Variants in HECW1 observed in about 807,000 individuals in gnomAD.
The protein encoded by HECW1 is HECT, C2 and WW domain containing E3 ubiquitin protein ligase 1, also known as E3 ubiquitin-protein ligase HECW1.
Under a neutral mutation model 182.3 loss-of-function variants are expected in HECW1, and 61 were observed. That is an observed-to-expected ratio of 0.33 (90% CI 0.27 to 0.41). HECW1 has a LOEUF of 0.41. Ranked by LOEUF, HECW1 falls within the 10% of genes least tolerant of loss-of-function variation. The pLI is 1.00. For synonymous variants in HECW1, 859 were observed against 832.6 expected (o/e 1.03, Z -0.55); for missense variants, 1,739 against 2,108.9 (o/e 0.82, Z 3.44).
rs747946880 is a variant in HECW1 at position 43,232,001 on chromosome 7, G to A, written c.-31-11874G>A. On this transcript the variant is annotated intron_variant, in intron 2 of 29. Coordinates refer to ENST00000395891, the MANE Select transcript of HECW1 (RefSeq NM_015052.5). ...CCCACCACTGCACTCCAGCCTGGGC[G>A]ACAGAGCGAGACTCCATCTCAAAAA... 1.4e-3 allele frequency among the ~76,000 whole-genome samples: 194 copies of A among 134,638 alleles called. No individual in the cohort carries two copies. The Middle Eastern group carries it at 0.024, about 17-fold the overall frequency. The allele number at this position is 134,638 out of a possible 152,430, so 88.3% of individuals were successfully genotyped here.
At chr7:43,423,984 G>A (rs2076276540) in intron 8 of HECW1, among the ~76,000 whole-genome samples, 1 of 152,188 alleles carries the variant, frequency 6.6e-6, no homozygotes. Context: ...AGCCAAAGGA[G>A]TATCTAGAAA....
chr7:43,202,477 C>CTT (rs760450431), intron 2 of HECW1, among the ~76,000 whole-genome samples: 1 of 141,648 alleles, frequency 7.1e-6, no homozygotes, highest in Non-Finnish European at 1.5e-5. Flanking sequence ...TTCTCCTTGC[C>CTT]TTTTTTTTTT....
At chr7:43,388,347 T>C (rs373602735) in intron 6 of HECW1, among the ~76,000 whole-genome samples, 1 of 152,228 alleles carries the variant, frequency 6.6e-6, no homozygotes, top group African/African-American at 2.4e-5. Flanking sequence ...GGACAAGAAC[T>C]GCAAATTCAA....
Position 43,563,090 on chromosome 7 carries a change from CAG to C in HECW1, c.*1169_*1170del. 4 of 202,988 alleles carry C rather than the reference CAG, an allele frequency of 2.0e-5. No homozygotes were observed. Among genetic ancestry groups the C allele is most frequent in the Non-Finnish European group, 4.1e-5 (4 of 98,764 alleles). 12.6% of individuals were successfully genotyped at this position (202,988 alleles called of 1,614,324 possible). On this transcript the variant is annotated 3_prime_UTR_variant, in exon 30 of 30. Coordinates refer to ENST00000395891, the MANE Select transcript of HECW1 (RefSeq NM_015052.5). ...CCATCGGGACCACACTAGGAAGCTG[CAG>C]AGAGTGATGGTGCTTGTTAGGGATC... is the stretch of plus-strand genomic sequence containing the variant.
At chr7:43,507,024 C>G in intron 21 of HECW1, 113 bp from the exon 22 acceptor site, 1 of 1,300,366 alleles carries the variant, frequency 7.7e-7, no homozygotes, top group Non-Finnish European at 1.0e-6. Context: ...AAGCCGAGAG[C>G]ACACCACTGC....
chr7:43,397,938 C>T (rs1248389580), intron 7 of HECW1, among the ~76,000 whole-genome samples: 1 of 152,192 alleles, frequency 6.6e-6, no homozygotes, highest in Non-Finnish European at 1.5e-5. Context: ...TGGAACTCTT[C>T]TGTAAACCCA....
At chr7:43,181,883 G>A (rs1199924893) in intron 2 of HECW1, among the ~76,000 whole-genome samples, 1 of 150,750 alleles carries the variant, frequency 6.6e-6, no homozygotes, top group Non-Finnish European at 1.5e-5. Flanking sequence ...CACCTCCTGG[G>A]TTCATGCCAT....
chr7:43,448,511 A>G (rs1362058021), intron 11 of HECW1, among the ~76,000 whole-genome samples: 2 of 152,174 alleles, frequency 1.3e-5, no homozygotes, highest in Non-Finnish European at 2.9e-5. Context: ...CAAAATGGGT[A>G]TAATTACAGA....
intron 24 of HECW1, among the ~76,000 whole-genome samples, chr7:43,536,263 T>C (rs900949496): frequency 6.6e-6 from 1 of 152,228 alleles, no homozygotes; most frequent in African/African-American, 2.4e-5. Flanking sequence ...ATGCTTTATG[T>C]GTTTCTTAAA....
At chr7:43,303,858 C>T (rs973358073) in intron 3 of HECW1, among the ~76,000 whole-genome samples, 5 of 152,058 alleles carry the variant, frequency 3.3e-5, no homozygotes, top group African/African-American at 1.2e-4. Flanking sequence ...CACAACATCC[C>T]TCATACACAG....
chr7:43,541,071 A>G, intron 24 of HECW1, 92 bp from the exon 25 acceptor site: 2 of 987,430 alleles, frequency 2.0e-6, no homozygotes, highest in Non-Finnish European at 3.2e-6. Flanking sequence ...GCTTAAGATG[A>G]ATGCTCAAAC....
At chr7:43,501,367 TG>T (rs1279860575) in intron 21 of HECW1, 45 bp downstream of exon 21, 6 of 1,089,952 alleles carry the variant, frequency 5.5e-6, no homozygotes, top group Non-Finnish European at 8.5e-6. Context: ...TGGCCACGTG[TG>T]TTTCCTCCAG....
At chr7:43,120,744 A>G (rs978059582) in intron 2 of HECW1, among the ~76,000 whole-genome samples, 3 of 152,126 alleles carry the variant, frequency 2.0e-5, no homozygotes, top group African/African-American at 7.2e-5. Context: ...CCCAGGCTCA[A>G]GTGATTTTTC....
rs190205890 is a variant in HECW1, at chr7:43,170,659, A to G, written c.-32+56268A>G. Among the ~76,000 whole-genome samples, 15 of 152,300 alleles carry G rather than the reference A, an allele frequency of 9.8e-5. No individual in the cohort carries two copies. The East Asian group carries it at 2.7e-3, about 27-fold the overall frequency. On this transcript the variant is annotated intron_variant, in intron 2 of 29. Coordinates refer to ENST00000395891, the MANE Select transcript of HECW1 (RefSeq NM_015052.5). ...AAGGGCCTTGTCAAAGGTGCATGGT[A>G]TGTATTAACAGAAAGCAAATTCACA...
At chr7:43,489,969 G>C (rs2078866809) in intron 17 of HECW1, among the ~76,000 whole-genome samples, 2 of 152,188 alleles carry the variant, frequency 1.3e-5, no homozygotes, top group Non-Finnish European at 2.9e-5. Context: ...TGGTCTCAGA[G>C]GGAGAAATGT....
At chr7:43,455,173 T>G (rs1467597729) in intron 12 of HECW1, among the ~76,000 whole-genome samples, 1 of 152,210 alleles carries the variant, frequency 6.6e-6, no homozygotes, top group Non-Finnish European at 1.5e-5. Context: ...GCAAGGGAAC[T>G]TTTCTTTATC....
intron 24 of HECW1, among the ~76,000 whole-genome samples, chr7:43,529,992 C>A (rs1019924080): frequency 3.3e-5 from 5 of 151,906 alleles, no homozygotes; most frequent in African/African-American, 1.2e-4. Flanking sequence ...CTCTGTCACC[C>A]ATGCTGGAGT....
chr7:43,513,106 G>A (rs2079959701), intron 24 of HECW1, among the ~76,000 whole-genome samples: 1 of 152,156 alleles, frequency 6.6e-6, no homozygotes, highest in African/African-American at 2.4e-5. Context: ...GCATAAATGA[G>A]TATTATTCCA....
intron 2 of HECW1, among the ~76,000 whole-genome samples, chr7:43,175,690 A>G (rs1011241652): frequency 2.0e-5 from 3 of 152,234 alleles, no homozygotes; most frequent in Non-Finnish European, 4.4e-5. Flanking sequence ...ATGTAAGATG[A>G]AGTGTTTTGG....
Sources: allele counts gnomAD v4.1 joint callset (sites outside exome capture counted in the v4.1 genomes callset), GRCh38; gene constraint gnomAD v4.1.1; transcripts MANE v1.5; gene names NCBI Gene and HGNC (gene_info 2026-07-23, HGNC 2026-07-21).